The following INTU variants were observed in gnomAD, a reference collection of about 807,000 sequenced individuals.
INTU encodes inturned planar cell polarity protein, also known as protein inturned.
In INTU, 68 loss-of-function variants were observed where a neutral mutation model predicts 100.5. The ratio of observed to expected loss-of-function variants is 0.68; its 90% confidence interval spans 0.56 to 0.83. The LOEUF (loss-of-function observed/expected upper bound fraction) is 0.83. Among genes scored for constraint, INTU ranks in the 40% least tolerant of loss-of-function variants. The pLI, the probability that INTU is intolerant of heterozygous loss-of-function variation, is 0.00. For synonymous variants in INTU, 357 were observed against 395.7 expected (o/e 0.90, Z 1.16); for missense variants, 1,071 against 1,114.7 (o/e 0.96, Z 0.56).
intron 6 of INTU, among the ~76,000 whole-genome samples, chr4:127,682,489 G>A (rs59255549): frequency 0.45 from 67,460 of 150,148 alleles, 15,801 homozygotes; most frequent in Middle Eastern, 0.66. Flanking sequence ...TCATTCTATC[G>A]CAAGAATAAA....
chr4:127,650,312 C>T lies in INTU; in HGVS notation c.682+6256C>T, dbSNP rs559481681. On this transcript the variant is annotated intron_variant, in intron 2 of 15. Transcript: ENST00000335251. ...TATGTATACATGTGCCATGCTGGTG[C>T]GCTGCACCCACTAACTCATCATCTA... Among the ~76,000 whole-genome samples, 149 of 151,202 alleles carry T rather than the reference C, an allele frequency of 9.9e-4. 2 individuals are homozygous for T. Among genetic ancestry groups the T allele is most frequent in the African/African-American group, 3.3e-3 (135 of 41,230 alleles).
At chr4:127,645,785 A>T (rs546895919) in intron 2 of INTU, among the ~76,000 whole-genome samples, 1 of 151,864 alleles carries the variant, frequency 6.6e-6, no homozygotes, top group South Asian at 2.1e-4. Context: ...GCTGGTCTTG[A>T]ACTCCTGACC....
Position 127,722,183 on chromosome 4 carries a change from T to A in INTU, c.*5747T>A, listed in dbSNP as rs1057501710. 2 of 152,440 alleles carry A rather than the reference T, an allele frequency of 1.3e-5. No homozygotes were observed. Among genetic ancestry groups the A allele is most frequent in the Non-Finnish European group, 2.9e-5 (2 of 68,238 alleles). The allele number at this position is 152,440 out of a possible 1,614,324, so 9.4% of individuals were successfully genotyped here. On this transcript the variant is annotated 3_prime_UTR_variant, in exon 16 of 16. Coordinates refer to ENST00000335251, the MANE Select transcript of INTU (RefSeq NM_015693.4). ...TGATGTTGTTGCATTCTGTTTTTCT[T>A]TAGTAGTCAGGCCCCTCTTCTGCAG...
chr4:127,637,095 A>G (rs1425944271), intron 1 of INTU, among the ~76,000 whole-genome samples: 1 of 152,144 alleles, frequency 6.6e-6, no homozygotes, highest in African/African-American at 2.4e-5. Context: ...CTCCAGTACT[A>G]TTGACTTCCT....
At chr4:127,657,573 C>T (rs967216933) in intron 3 of INTU, among the ~76,000 whole-genome samples, 5 of 152,032 alleles carry the variant, frequency 3.3e-5, no homozygotes, top group African/African-American at 1.2e-4. Context: ...TACAGCTGCT[C>T]CCCATCGCTC....
In INTU at chr4:127,706,972, G is replaced by A. The variant is rs1361563090; in HGVS notation, c.2271+3G>A. ...AAGAAAGTGGGACCTTGCTTAAGGT[G>A]TGTGCTTATTCAAGTGTGTATGTTC... On this transcript the variant is annotated splice_donor_region_variant and intron_variant, in intron 12 of 15. Transcript: ENST00000335251. The A allele has an allele frequency of 3.1e-6, 5 of 1,609,294 alleles. No homozygotes were observed. The highest frequency in any genetic ancestry group is 4.2e-6 in the Non-Finnish European group (5 of 1,177,444).
intron 9 of INTU, among the ~76,000 whole-genome samples, chr4:127,702,521 T>C (rs541415161): frequency 1.4e-4 from 21 of 152,204 alleles, no homozygotes; most frequent in Admixed American, 7.9e-4. Flanking sequence ...AGAAAAAAAG[T>C]TGGTGTAGGG....
At chr4:127,643,239 A>G (rs1727411567) in intron 1 of INTU, among the ~76,000 whole-genome samples, 1 of 152,072 alleles carries the variant, frequency 6.6e-6, no homozygotes, top group East Asian at 1.9e-4. Context: ...CTATAAGGGG[A>G]CCATCTCTTT....
At position 127,656,664 on chromosome 4, in the gene INTU, C is replaced by T. The variant is rs751763248; in HGVS notation, c.711C>T (p.Val237=). The part of the protein sequence containing the change: ...IGDVLVAVND[V]DVTTENIERV... ...ATGTCCTTGTTGCTGTGAATGATGTCGATGTTACTACTGAAAACATCGAGA... is the reference window on the plus strand; with the variant it reads ...ATGTCCTTGTTGCTGTGAATGATGTTGATGTTACTACTGAAAACATCGAGA... Residue 237 remains valine, a synonymous_variant, in exon 3 of 16, where the codon GTC becomes GTT. Transcript: ENST00000335251. 9.9e-6 allele frequency: 16 copies of T among 1,609,902 alleles called. No homozygotes were observed. The highest frequency in any genetic ancestry group is 5.0e-5 in the Admixed American group (3 of 59,994).
chr4:127,699,821 G>A (rs977256881), intron 8 of INTU, among the ~76,000 whole-genome samples, 189 bp from the exon 9 acceptor site: 2 of 152,102 alleles, frequency 1.3e-5, no homozygotes, highest in African/African-American at 4.8e-5. Flanking sequence ...TGTTAAATAA[G>A]TAAACTGTTT....
Position 127,720,901 on chromosome 4 carries a change from CT to C in INTU, c.*4466del, listed in dbSNP as rs1731337096. On this transcript the variant is annotated 3_prime_UTR_variant, in exon 16 of 16. Coordinates refer to ENST00000335251, the MANE Select transcript of INTU (RefSeq NM_015693.4). ...AGATGGGTCTCTTGAATACAGCACA[CT>C]GATAGAGTTTGACTCTATCCAGCTT... The C allele has an allele frequency of 6.6e-6, 1 of 152,156 alleles. No homozygotes were observed. Among genetic ancestry groups the C allele is most frequent in the African/African-American group, 2.4e-5 (1 of 41,448 alleles). 9.4% of individuals were successfully genotyped at this position (152,156 alleles called of 1,614,324 possible).
chr4:127,683,967 T>G (rs1480674312), intron 6 of INTU: 1 of 152,802 alleles, frequency 6.5e-6, no homozygotes, highest in Admixed American at 6.5e-5. Context: ...TAAGAGTGTG[T>G]TTTTGTCACA....
intron 6 of INTU, among the ~76,000 whole-genome samples, chr4:127,678,300 C>T (rs574159212): frequency 3.5e-4 from 53 of 152,182 alleles, no homozygotes; most frequent in African/African-American, 1.3e-3. Flanking sequence ...ACATAATTGT[C>T]AGATTCACCA....
rs557372122 is a variant in INTU, at chr4:127,714,111, G to C, written c.2717+18G>C. The C allele has an allele frequency of 6.9e-6, 11 of 1,589,486 alleles. No individual in the cohort carries two copies. The African/African-American group carries it at 1.4e-4, about 20-fold the overall frequency. ...GTAGTAGGGTAAGTGAGAAAAAAAA[G>C]TATTTGAAAGTAAAGTGTTAGAAAA... On this transcript the variant is annotated intron_variant, in intron 15 of 15. Coordinates refer to ENST00000335251, the MANE Select transcript of INTU (RefSeq NM_015693.4).
At chr4:127,702,807 C>G (rs934971665) in intron 9 of INTU, among the ~76,000 whole-genome samples, 2 of 152,202 alleles carry the variant, frequency 1.3e-5, no homozygotes, top group South Asian at 2.1e-4. Context: ...CTCCATACCC[C>G]CAACCTCTGG....
intron 1 of INTU, among the ~76,000 whole-genome samples, chr4:127,639,182 T>A (rs1727202020): frequency 6.6e-6 from 1 of 152,118 alleles, no homozygotes; most frequent in African/African-American, 2.4e-5. Context: ...ACTCTTCCAT[T>A]AATGTTCTTT....
rs187993737 is a variant in INTU at position 127,681,324 on chromosome 4, G to T, written c.1182-3085G>T. Among the ~76,000 whole-genome samples, 196 of 151,130 alleles carry T rather than the reference G, an allele frequency of 1.3e-3. 1 individual carries two copies. The highest frequency in any genetic ancestry group is 4.6e-3 in the East Asian group (24 of 5,188). On this transcript the variant is annotated intron_variant, in intron 6 of 15. Coordinates refer to ENST00000335251, the MANE Select transcript of INTU (RefSeq NM_015693.4). ...ATCCTAAGCCAAAAGAACAAAGCTG[G>T]AGGCATCACCCTACCTGACTTCAAA...
intron 1 of INTU, among the ~76,000 whole-genome samples, chr4:127,638,202 G>T (rs1727158671): frequency 6.6e-6 from 1 of 152,158 alleles, no homozygotes; most frequent in African/African-American, 2.4e-5. Context: ...ATATTAATTT[G>T]TCACAGTGTT....
chr4:127,656,569 C>G (rs1728235590), intron 2 of INTU, 67 bp from the exon 3 acceptor site: 5 of 1,127,836 alleles, frequency 4.4e-6, no homozygotes, highest in Non-Finnish European at 6.7e-6. Flanking sequence ...GTTTAATGTT[C>G]CAATTCTAGA....
Sources: allele counts gnomAD v4.1 joint callset (sites outside exome capture counted in the v4.1 genomes callset), GRCh38; gene constraint gnomAD v4.1.1; transcripts MANE v1.5; gene names NCBI Gene and HGNC (gene_info 2026-07-23, HGNC 2026-07-21).